The following COPB1 variants were observed in gnomAD, a reference collection of about 807,000 sequenced individuals.
COPB1 encodes the protein coatomer subunit beta.
In COPB1, 21 loss-of-function variants were observed where a neutral mutation model predicts 108.7. That is an observed-to-expected ratio of 0.19 (90% confidence interval 0.14 to 0.28). The LOEUF is 0.28. COPB1 is among the 10% of genes least tolerant of loss of function. The probability of loss-of-function intolerance (pLI) is 1.00; values close to 1 mark genes in which losing one functional copy is unlikely to be tolerated. For missense variants in COPB1, 919 were observed against 1,141.3 expected, an observed-to-expected ratio of 0.81 and a Z score of 2.81; for synonymous variants, 378 against 386.8, an observed-to-expected ratio of 0.98 and a Z score of 0.27.
chr11:14,480,704 T>G (rs1850642291), intron 10 of COPB1, 55 bp downstream of exon 10: 2 of 1,540,674 alleles, frequency 1.3e-6, no homozygotes, highest in South Asian at 2.4e-5. Context: ...ATAACTATAT[T>G]TTTTAAAAAA....
chr11:14,494,611 A>C, intron 2 of COPB1, 172 bp from the exon 3 acceptor site: 1 of 553,980 alleles, frequency 1.8e-6, no homozygotes, highest in Non-Finnish European at 3.2e-6. Flanking sequence ...TCCACCAAAT[A>C]ATCTGTCTTT....
intron 3 of COPB1, 92 bp downstream of exon 3, chr11:14,494,118 G>T: frequency 1.2e-6 from 1 of 857,954 alleles, no homozygotes. Context: ...TCTTATCAAA[G>T]ACTCAATTTT....
At position 14,479,577 on chromosome 11, in the gene COPB1, T is replaced by C. The variant is rs138845699; in HGVS notation, c.1350A>G (p.Lys450=). 3.9e-4 allele frequency: 619 copies of C among 1,606,122 alleles called. 1 individual carries two copies. The Middle Eastern group carries it at 6.5e-3, about 17-fold the overall frequency. ...ATGTATTTTAAACCTACTTGACAGATTTAATAGCATGAAAGACTTCAAGCA... is the reference window on the plus strand; with the variant it reads ...ATGTATTTTAAACCTACTTGACAGACTTAATAGCATGAAAGACTTCAAGCA... ...EKMLEVFHAI[K]SVKIYRGALW... is the part of the protein sequence containing the mutation. The change falls in exon 11 of 22, where the codon AAA becomes AAG. Residue 450 remains lysine (K), a synonymous_variant. Coordinates refer to ENST00000439561, the MANE Select transcript of COPB1 (RefSeq NM_001144061.2).
intron 16 of COPB1, 21 bp downstream of exon 16, chr11:14,468,660 G>C (rs2134100012): frequency 1.2e-6 from 2 of 1,606,036 alleles, no homozygotes; most frequent in Non-Finnish European, 1.7e-6. Flanking sequence ...ATAATTTAGA[G>C]TCTATCAGAC....
At chr11:14,466,489 G>A (rs1448755924) in intron 16 of COPB1, 63 bp from the exon 17 acceptor site, 4 of 1,516,080 alleles carry the variant, frequency 2.6e-6, no homozygotes, top group Non-Finnish European at 2.7e-6. Flanking sequence ...ACATACCCTG[G>A]CCAAATGATT....
chr11:14,470,932 ACACACACACACACT>A (rs1273921508), intron 14 of COPB1, among the ~76,000 whole-genome samples: 4 of 91,084 alleles, frequency 4.4e-5, no homozygotes, highest in Non-Finnish European at 9.4e-5. Flanking sequence ...ACACACACAC[ACACACACACACACT>A]CTCTCTCTCT....
chr11:14,485,528 C>G (rs1455836744), intron 7 of COPB1, among the ~76,000 whole-genome samples: 2 of 152,174 alleles, frequency 1.3e-5, no homozygotes, highest in Non-Finnish European at 2.9e-5. Context: ...TGGCCAGAAG[C>G]CTTACCAATG....
In COPB1 at chr11:14,480,842, C is replaced by T. The variant is rs2134114541; in HGVS notation, c.1129G>A (p.Asp377Asn). The change falls in exon 10 of 22, where the codon GAC becomes AAC. Residue 377 changes from aspartate (D) to asparagine (N), a missense_variant. This residue lies in a region of COPB1 where 705 missense variants were observed against 817.8 expected (regional missense o/e 0.86). Coordinates refer to ENST00000439561, the MANE Select transcript of COPB1 (RefSeq NM_001144061.2). ...CGCACTAGGAGTTGTCTGTATTTGT[C>T]AGTATCTTCATGCTCAGACACATTA... Reference protein sequence around the residue: ...TNNVSEHEDTDKYRQLLVRTL... With the variant: ...TNNVSEHEDTNKYRQLLVRTL... The T allele has an allele frequency of 6.2e-7, 1 of 1,613,908 alleles. No homozygotes were observed. Among genetic ancestry groups the T allele is most frequent in the South Asian group, 1.1e-5 (1 of 91,086 alleles).
intron 18 of COPB1, 40 bp downstream of exon 18, chr11:14,464,871 A>G (rs376844225): frequency 3.0e-5 from 47 of 1,592,450 alleles, no homozygotes; most frequent in Non-Finnish European, 3.7e-5. Context: ...TTCTTCAGTA[A>G]AAGTATTCAA....
chr11:14,470,585 T>C (rs1395275857), intron 14 of COPB1, among the ~76,000 whole-genome samples: 4 of 152,170 alleles, frequency 2.6e-5, no homozygotes, highest in Non-Finnish European at 5.9e-5. Flanking sequence ...CAAATTGCCT[T>C]TGGCTGAGTA....
intron 12 of COPB1, 53 bp from the exon 13 acceptor site, chr11:14,475,998 ATTATCT>A: frequency 7.1e-7 from 1 of 1,415,086 alleles, no homozygotes; most frequent in Non-Finnish European, 9.5e-7. Flanking sequence ...AGCAAGCAAA[ATTATCT>A]TTAAATATTT....
At chr11:14,487,763 T>C (rs557914506) in intron 6 of COPB1, among the ~76,000 whole-genome samples, 3 of 152,242 alleles carry the variant, frequency 2.0e-5, no homozygotes, top group East Asian at 1.9e-4. Flanking sequence ...AAACTACTGG[T>C]ACCTTGTGTT....
chr11:14,494,489 TTCA>T, intron 2 of COPB1, 50 bp from the exon 3 acceptor site: 1 of 1,077,032 alleles, frequency 9.3e-7, no homozygotes. Context: ...CAAAAGAAAA[TTCA>T]TCACATAAAT....
intron 5 of COPB1, 111 bp downstream of exon 5, chr11:14,490,454 C>A: frequency 1.7e-6 from 1 of 594,238 alleles, no homozygotes; most frequent in Non-Finnish European, 2.8e-6. Context: ...AATACACAAA[C>A]CACATGAACT....
chr11:14,459,706 C>A (rs1305291775), intron 20 of COPB1, among the ~76,000 whole-genome samples: 1 of 149,608 alleles, frequency 6.7e-6, no homozygotes, highest in African/African-American at 2.5e-5. Context: ...ACCTCCACCC[C>A]CTGGGGTTCA....
At chr11:14,458,172 C>T (rs1206345015) in intron 21 of COPB1, among the ~76,000 whole-genome samples, 1 of 150,984 alleles carries the variant, frequency 6.6e-6, no homozygotes, top group African/African-American at 2.4e-5. Context: ...CTCCACCTCC[C>T]GGGTTCAAGC....
intron 7 of COPB1, among the ~76,000 whole-genome samples, chr11:14,484,695 G>A (rs190268981): frequency 6.6e-6 from 1 of 152,276 alleles, no homozygotes; most frequent in East Asian, 1.9e-4. Flanking sequence ...TCCAACCTGA[G>A]CGACGGAGTG....
intron 6 of COPB1, among the ~76,000 whole-genome samples, chr11:14,487,206 A>T (rs1850792595): frequency 6.6e-6 from 1 of 152,102 alleles, no homozygotes; most frequent in African/African-American, 2.4e-5. Flanking sequence ...TTCTCTTTTG[A>T]AGTCAGTATT....
intron 8 of COPB1, among the ~76,000 whole-genome samples, chr11:14,482,567 C>G (rs1211917286): frequency 6.6e-6 from 1 of 151,848 alleles, no homozygotes. Flanking sequence ...CAGAGTCTCA[C>G]TCTGTTGCCC....
Sources: allele counts gnomAD v4.1 joint callset (sites outside exome capture counted in the v4.1 genomes callset), GRCh38; gene constraint gnomAD v4.1.1; regional missense constraint gnomAD v4.1.1; transcripts MANE v1.5; gene names NCBI Gene and HGNC (gene_info 2026-07-23, HGNC 2026-07-21).